Variants in BRSK1 observed in about 807,000 individuals in gnomAD.
BRSK1 encodes the protein BR serine/threonine kinase 1.
Under a neutral mutation model 86.2 loss-of-function variants are expected in BRSK1, and 17 were observed. That is an observed-to-expected ratio of 0.20 (90% CI 0.14 to 0.30). BRSK1 has a LOEUF of 0.30. BRSK1 is among the 10% of genes least tolerant of loss of function. BRSK1 has a pLI of 1.00. For missense variants in BRSK1, 719 were observed against 1,071.9 expected (o/e 0.67, Z 4.60); for synonymous variants, 464 against 440.1 (o/e 1.05, Z -0.68).
Position 55,304,028 on chromosome 19 carries a change from T to C in BRSK1, c.1287-22T>C, listed in dbSNP as rs778918621. The C allele has an allele frequency of 6.9e-6, 11 of 1,590,790 alleles. No individual in the cohort carries two copies. The highest frequency in any genetic ancestry group is 1.7e-4 in the Middle Eastern group (1 of 5,972). ...AAACCCTCCCATCTGATTTTTTTTT[T>C]TTAAATCTATCCTGGAAACAGATCC... is the stretch of plus-strand genomic sequence containing the variant. On this transcript the variant is annotated intron_variant, in intron 12 of 18. Coordinates refer to ENST00000309383, the MANE Select transcript of BRSK1 (RefSeq NM_032430.2). This position sits in a 1 kb window ranked among gnomAD's most constrained non-coding sequence, Gnocchi z 5.2.
At chr19:55,300,064 G>A (rs1350920583) in intron 7 of BRSK1, among the ~76,000 whole-genome samples, 1 of 152,084 alleles carries the variant, frequency 6.6e-6, no homozygotes, top group Non-Finnish European at 1.5e-5. Flanking sequence ...TGTCCCCTCT[G>A]GAATGCAACT....
chr19:55,284,541 C>G lies in BRSK1; in HGVS notation c.99C>G (p.Pro33=), dbSNP rs2088279636. The part of the protein sequence containing the change: ...HPPQHAQYVG[P]YRLEKTLGKG... ...CCCAGCACGCCCAATATGTGGGCCC[C>G]TATCGGCTGGAGAAGACGCTGGGCA... The change falls in exon 1 of 19, where the codon CCC becomes CCG. Residue 33 remains proline (P), a synonymous_variant. Transcript: ENST00000309383. 1 of 1,330,152 alleles carries G rather than the reference C, an allele frequency of 7.5e-7. No homozygotes were observed. The highest frequency in any genetic ancestry group is 9.7e-7 in the Non-Finnish European group (1 of 1,030,998). The allele number at this position is 1,330,152 out of a possible 1,614,324, so 82.4% of individuals were successfully genotyped here. A position where few individuals can be genotyped will look rare whatever the true frequency, so the allele number is the denominator to read the frequency against.
In BRSK1 at chr19:55,304,541, T is replaced by A; in HGVS notation, c.1348-10T>A. On this transcript the variant is annotated splice_polypyrimidine_tract_variant and intron_variant, in intron 13 of 18. Coordinates refer to ENST00000309383, the MANE Select transcript of BRSK1 (RefSeq NM_032430.2). The surrounding 1 kb of genome is among the most constrained non-coding windows in gnomAD (Gnocchi z 5.2). ...TCCACTCGCTTATCTCAGTCTCCTG[T>A]CCTCTGCAGAGTCCGGTCTTTTCCT... is the stretch of plus-strand genomic sequence containing the variant. 1 of 1,564,462 alleles carries A rather than the reference T, an allele frequency of 6.4e-7. No homozygotes were observed.
At chr19:55,309,595 A>C (rs2123004734) in intron 18 of BRSK1, among the ~76,000 whole-genome samples, 1 of 152,212 alleles carries the variant, frequency 6.6e-6, no homozygotes, top group South Asian at 2.1e-4. Flanking sequence ...GGGGCAAGGG[A>C]ACTCTCTGGG....
chr19:55,297,165 C>T (rs1303153519), intron 7 of BRSK1, among the ~76,000 whole-genome samples: 1 of 152,096 alleles, frequency 6.6e-6, no homozygotes, highest in African/African-American at 2.4e-5. Context: ...CAACCTCCAC[C>T]TCCTGGATTC....
At chr19:55,284,636 G>A in intron 1 of BRSK1, 58 bp downstream of exon 1, 1 of 1,255,154 alleles carries the variant, frequency 8.0e-7, no homozygotes, top group Non-Finnish European at 1.0e-6. Flanking sequence ...TGGCGGCAGA[G>A]GCGGGACTCA....
chr19:55,305,649 G>A (rs752860628), intron 16 of BRSK1, 63 bp downstream of exon 16: 34 of 1,608,920 alleles, frequency 2.1e-5, no homozygotes, highest in Non-Finnish European at 2.9e-5. Context: ...AGCAGCCCCT[G>A]GGGCTAACCA....
In BRSK1 at chr19:55,302,755, A is replaced by G; in HGVS notation, c.916A>G (p.Met306Val). Residue 306 changes from methionine to valine, a missense_variant, in exon 10 of 19, where the codon ATG becomes GTG. Met to Val is a conservative substitution (Grantham distance 21, BLOSUM62 1). Transcript: ENST00000309383. The surrounding 1 kb of genome is among the most constrained non-coding windows in gnomAD (Gnocchi z 6.3). ...LEPAPGRRVA[M>V]RSLPSNGELD... Reference sequence around the variant, plus strand: ...GCCAGCCCCTGGCCGCCGGGTAGCCATGCGGAGCCTGCCATCCAACGGAGA... The same window carrying G: ...GCCAGCCCCTGGCCGCCGGGTAGCCGTGCGGAGCCTGCCATCCAACGGAGA... 1 of 1,613,646 alleles carries G rather than the reference A, an allele frequency of 6.2e-7. No individual in the cohort carries two copies. Among genetic ancestry groups the G allele is most frequent in the Non-Finnish European group, 8.5e-7 (1 of 1,179,898 alleles).
chr19:55,311,886 C>T (rs376937718), intron 18 of BRSK1, 25 bp from the exon 19 acceptor site: 25 of 1,609,094 alleles, frequency 1.6e-5, no homozygotes, highest in African/African-American at 2.7e-5. Flanking sequence ...GCGGAACCCA[C>T]GAAAAACCTC....
chr19:55,305,617 C>T (rs2088638955), intron 16 of BRSK1, 31 bp downstream of exon 16: 1 of 1,613,154 alleles, frequency 6.2e-7, no homozygotes, highest in East Asian at 2.2e-5. Context: ...TCGAGCCTGG[C>T]CCCCGCAGAA....
intron 17 of BRSK1, among the ~76,000 whole-genome samples, chr19:55,307,540 C>T (rs529481938): frequency 1.3e-3 from 146 of 111,556 alleles, no homozygotes; most frequent in African/African-American, 6.0e-3. Context: ...CAGAGCGAGA[C>T]TCTGTCTCAA....
At position 55,295,121 on chromosome 19, in the gene BRSK1, T is replaced by C. The variant is rs1600177702; in HGVS notation, c.678+724T>C. Among the ~76,000 whole-genome samples, 3 of 149,252 alleles carry C rather than the reference T, an allele frequency of 2.0e-5. No individual in the cohort carries two copies. The Admixed American group carries it at 2.0e-4, about 10-fold the overall frequency. On this transcript the variant is annotated intron_variant, in intron 7 of 18. Coordinates refer to ENST00000309383, the MANE Select transcript of BRSK1 (RefSeq NM_032430.2). ...CCGGCAGCTGAATTTATTTTATTTT[T>C]ATTTTTATTTTTATTTTTTGAGAGA...
In BRSK1 at chr19:55,303,178, T is replaced by A; in HGVS notation, c.1029-133T>A. 1.4e-6 allele frequency: 1 copy of A among 720,150 alleles called. No individual in the cohort carries two copies. 44.6% of individuals were successfully genotyped at this position (720,150 alleles called of 1,614,324 possible). On this transcript the variant is annotated intron_variant, in intron 10 of 18. Coordinates refer to ENST00000309383, the MANE Select transcript of BRSK1 (RefSeq NM_032430.2). This position sits in a 1 kb window ranked among gnomAD's most constrained non-coding sequence, Gnocchi z 5.1. ...GAGATGTACCCTAAACCAGAGAAAC[T>A]GACCATACTGATACCTAGAAAAAAT...
chr19:55,306,553 G>T lies in BRSK1; in HGVS notation c.2089+103G>T, dbSNP rs2088653754. 1 of 1,374,328 alleles carries T rather than the reference G, an allele frequency of 7.3e-7. No individual in the cohort carries two copies. The highest frequency in any genetic ancestry group is 1.0e-6 in the Non-Finnish European group (1 of 995,162). 85.1% of individuals were successfully genotyped at this position (1,374,328 alleles called of 1,614,324 possible). The stretch of plus-strand genomic sequence containing the variant: ...AGTGCAGCAGCAGGAGGAGGAAATG[G>T]TGTTCAGCTGGTGCCGACTCTCTGT... On this transcript the variant is annotated intron_variant, in intron 17 of 18. Transcript: ENST00000309383. This position sits in a 1 kb window ranked among gnomAD's most constrained non-coding sequence, Gnocchi z 4.7.
chr19:55,286,959 C>T (rs373223682), intron 1 of BRSK1, 48 bp from the exon 2 acceptor site: 41 of 1,588,246 alleles, frequency 2.6e-5, no homozygotes, highest in Admixed American at 1.8e-4. Flanking sequence ...GCGCTGGGGA[C>T]GAAGGGGACC....
In BRSK1 at chr19:55,303,914, G is replaced by C; in HGVS notation, c.1286+88G>C. ...ACCCCAGCTCTACCTCAAATGTGCT[G>C]TGTCCTTGGGACAATTCACCTCCCC... On this transcript the variant is annotated intron_variant, in intron 12 of 18. Transcript: ENST00000309383. The surrounding 1 kb of genome is among the most constrained non-coding windows in gnomAD (Gnocchi z 5.1). The C allele has an allele frequency of 6.6e-7, 1 of 1,520,080 alleles. No individual in the cohort carries two copies. The highest frequency in any genetic ancestry group is 2.3e-5 in the East Asian group (1 of 43,866). 94.2% of individuals were successfully genotyped at this position (1,520,080 alleles called of 1,614,324 possible). A position where few individuals can be genotyped will look rare whatever the true frequency, so the allele number is the denominator to read the frequency against.
Position 55,312,429 on chromosome 19 carries a change from C to T in BRSK1, c.*361C>T, listed in dbSNP as rs1162782376. On this transcript the variant is annotated 3_prime_UTR_variant, in exon 19 of 19. Coordinates refer to ENST00000309383, the MANE Select transcript of BRSK1 (RefSeq NM_032430.2). ...AACCCCCTCTTCCCGGGCCCCTCCT[C>T]CCCTGGTCCTCCCCCCACGACCTTC... is the stretch of plus-strand genomic sequence containing the variant. The T allele has an allele frequency of 1.1e-5, 2 of 186,194 alleles. No homozygotes were observed. Among genetic ancestry groups the T allele is most frequent in the Non-Finnish European group, 2.2e-5 (2 of 92,040 alleles). 11.5% of individuals were successfully genotyped at this position (186,194 alleles called of 1,614,324 possible).
Position 55,308,696 on chromosome 19 carries a change from C to T in BRSK1, c.2147C>T (p.Thr716Ile). Residue 716 changes from threonine to isoleucine, a missense_variant, in exon 18 of 19, where the codon ACT (threonine) becomes ATT (isoleucine). Physicochemically the swap from Thr to Ile is moderately conservative, Grantham distance 89. This residue lies in a region of BRSK1 where 180 missense variants were observed against 259.4 expected (regional missense o/e 0.69). Coordinates refer to ENST00000309383, the MANE Select transcript of BRSK1 (RefSeq NM_032430.2). ...ACCATCCAGGCACAGCTCCTGAGCA[C>T]TCATGACCAGCCCTCCGTGCAGGCC... Reference protein sequence around the residue: ...VETIQAQLLSTHDQPSVQALA... With the variant: ...VETIQAQLLSIHDQPSVQALA... 6.2e-7 allele frequency: 1 copy of T among 1,602,290 alleles called. No homozygotes were observed. Among genetic ancestry groups the T allele is most frequent in the African/African-American group, 1.4e-5 (1 of 71,450 alleles).
chr19:55,307,987 ATTTC>A (rs2088686988), intron 17 of BRSK1, among the ~76,000 whole-genome samples: 1 of 147,258 alleles, frequency 6.8e-6, no homozygotes, highest in Non-Finnish European at 1.5e-5. Flanking sequence ...ACTTTCTCCG[ATTTC>A]TTTTTCTTTT....
Sources: allele counts gnomAD v4.1 joint callset (sites outside exome capture counted in the v4.1 genomes callset), GRCh38; gene constraint gnomAD v4.1.1; regional missense constraint gnomAD v4.1.1; non-coding constraint Gnocchi (gnomAD v3.1); transcripts MANE v1.5; gene names NCBI Gene and HGNC (gene_info 2026-07-23, HGNC 2026-07-21).